Variants in LINGO2 observed in about 807,000 individuals in gnomAD.
The protein encoded by LINGO2 is leucine-rich repeat and immunoglobulin-like domain-containing nogo receptor-interacting protein 2.
A neutral mutation model predicts 30.6 loss-of-function variants in LINGO2; 14 were observed. The ratio of observed to expected loss-of-function variants is 0.46; its 90% CI spans 0.30 to 0.72. The LOEUF is 0.72. Ranked by LOEUF, LINGO2 falls within the 30% of genes least tolerant of loss-of-function variation. LINGO2 has a pLI of 0.07. For synonymous variants in LINGO2, 317 were observed against 288.5 expected, an observed-to-expected ratio of 1.10 and a Z score of -1.00; for missense variants, 729 against 751.7, an observed-to-expected ratio of 0.97 and a Z score of 0.35.
At chr9:29,070,479 G>T in the LINGO2 span, among the ~76,000 whole-genome samples, 1 of 152,184 alleles carries the variant, frequency 6.6e-6, no homozygotes, top group South Asian at 2.1e-4. Context: ...GAAGAGGAGA[G>T]GAAAGAACCT....
chr9:29,074,531 T>C, the LINGO2 span, among the ~76,000 whole-genome samples: 1 of 152,108 alleles, frequency 6.6e-6, no homozygotes, highest in Non-Finnish European at 1.5e-5. Context: ...TCCAGCTAAC[T>C]TCAAGGACAT....
At chr9:28,559,744 T>C (rs1393864876) in intron 1 of LINGO2, among the ~76,000 whole-genome samples, 2 of 152,126 alleles carry the variant, frequency 1.3e-5, no homozygotes, top group Admixed American at 1.3e-4. Flanking sequence ...TTTTTTGTTC[T>C]GTACAAGATT....
At chr9:29,121,609 T>G in the LINGO2 span, among the ~76,000 whole-genome samples, 1 of 152,070 alleles carries the variant, frequency 6.6e-6, no homozygotes, top group South Asian at 2.1e-4. Flanking sequence ...AAGGAAATAG[T>G]AATAGCAAAG....
chr9:28,973,775 TA>T, the LINGO2 span, among the ~76,000 whole-genome samples: 2 of 152,182 alleles, frequency 1.3e-5, no homozygotes, highest in Non-Finnish European at 2.9e-5. Context: ...ACTTTTACCT[TA>T]TAATAGTGTA....
At chr9:28,481,885 G>A (rs1291223640) in intron 1 of LINGO2, among the ~76,000 whole-genome samples, 1 of 150,652 alleles carries the variant, frequency 6.6e-6, no homozygotes, top group Admixed American at 6.7e-5. Flanking sequence ...TTGGTTCTTT[G>A]TTCTTGTGAT....
chr9:28,374,696 T>C (rs1311741699), intron 2 of LINGO2, among the ~76,000 whole-genome samples: 1 of 152,128 alleles, frequency 6.6e-6, no homozygotes, highest in African/African-American at 2.4e-5. Flanking sequence ...CAACTACTGA[T>C]CACCCACCAT....
rs200150497 is a variant in LINGO2, at chr9:28,003,342, TATAGATAGATAGATAGATAG to T, written c.-36+8993_-36+9012del. Among the ~76,000 whole-genome samples, 533 of 141,734 alleles carry T rather than the reference TATAGATAGATAGATAGATAG, an allele frequency of 3.8e-3. 6 individuals are homozygous for T. The highest frequency in any genetic ancestry group is 0.014 in the African/African-American group (516 of 36,306). 93.0% of individuals were successfully genotyped at this position (141,734 alleles called of 152,430 possible). A position where few individuals can be genotyped will look rare whatever the true frequency, so the allele number is the denominator to read the frequency against. On this transcript the variant is annotated intron_variant, in intron 5 of 5. Transcript: ENST00000379992. ...TGTTAACCATATAGATATATAGATATATAGATAGATAGATAGATAGATAGATAGATAGATAGATAGATATA... is the reference window on the plus strand; with the variant it reads ...TGTTAACCATATAGATATATAGATATATAGATAGATAGATAGATAGATATA...
chr9:28,685,977 ATGTGTGTGTGTG>A, the LINGO2 span, among the ~76,000 whole-genome samples: 10 of 145,682 alleles, frequency 6.9e-5, no homozygotes, highest in African/African-American at 1.2e-4. Flanking sequence ...AACATATATG[ATGTGTGTGTGTG>A]TGTGTGTGTG....
intron 3 of LINGO2, among the ~76,000 whole-genome samples, chr9:28,310,975 G>A (rs1478842289): frequency 3.9e-5 from 6 of 152,074 alleles, no homozygotes; most frequent in African/African-American, 7.2e-5. Flanking sequence ...AATATTGGGG[G>A]AAATTCAGCC....
chr9:28,690,581 G>C, the LINGO2 span, among the ~76,000 whole-genome samples: 1 of 151,984 alleles, frequency 6.6e-6, no homozygotes, highest in Non-Finnish European at 1.5e-5. Flanking sequence ...TTCATGAATA[G>C]TTTCTAGAAT....
chr9:28,048,018 CACATTAG>C (rs1256110582), intron 4 of LINGO2, among the ~76,000 whole-genome samples: 1 of 149,994 alleles, frequency 6.7e-6, no homozygotes, highest in African/African-American at 2.5e-5. Context: ...AAAATCTAAT[CACATTAG>C]ACATTAAACT....
the LINGO2 span, among the ~76,000 whole-genome samples, chr9:29,062,293 A>G: frequency 5.3e-5 from 8 of 152,236 alleles, no homozygotes; most frequent in African/African-American, 1.7e-4. Context: ...CCTCAAAAAA[A>G]TTAAAAATAG....
chr9:28,241,948 C>G (rs997595462), intron 4 of LINGO2, among the ~76,000 whole-genome samples: 1 of 151,986 alleles, frequency 6.6e-6, no homozygotes, highest in African/African-American at 2.4e-5. Context: ...AAAGTCCACA[C>G]AAAATCTTCA....
intron 4 of LINGO2, among the ~76,000 whole-genome samples, chr9:28,139,329 T>C (rs1237817661): frequency 6.6e-6 from 1 of 152,246 alleles, no homozygotes; most frequent in Non-Finnish European, 1.5e-5. Flanking sequence ...ATTTATATAG[T>C]ATAGACAAAT....
At chr9:29,198,944 C>G in the LINGO2 span, among the ~76,000 whole-genome samples, 1 of 152,082 alleles carries the variant, frequency 6.6e-6, no homozygotes, top group Non-Finnish European at 1.5e-5. Flanking sequence ...GTAGGGGCCT[C>G]TGAGAAATAC....
At chr9:28,117,747 C>CA (rs1289355666) in intron 4 of LINGO2, among the ~76,000 whole-genome samples, 1 of 147,158 alleles carries the variant, frequency 6.8e-6, no homozygotes, top group Non-Finnish European at 1.5e-5. Context: ...CCAGGTGAGG[C>CA]AATGCCTTGC....
chr9:28,667,412 T>C (rs1324803723), intron 1 of LINGO2, among the ~76,000 whole-genome samples: 2 of 152,048 alleles, frequency 1.3e-5, no homozygotes, highest in Admixed American at 1.3e-4. Flanking sequence ...CTTTTAAATT[T>C]TACTTTCTCC....
chr9:28,264,273 T>G (rs1480579761), intron 4 of LINGO2, among the ~76,000 whole-genome samples: 3 of 151,950 alleles, frequency 2.0e-5, no homozygotes, highest in Non-Finnish European at 2.9e-5. Context: ...ATGGTTTAAA[T>G]GGTAAAACCA....
At chr9:28,710,928 T>C in the LINGO2 span, among the ~76,000 whole-genome samples, 1 of 151,798 alleles carries the variant, frequency 6.6e-6, no homozygotes, top group Non-Finnish European at 1.5e-5. Flanking sequence ...TGAGTGAATA[T>C]GGTAATGGTG....
Sources: allele counts gnomAD v4.1 joint callset (sites outside exome capture counted in the v4.1 genomes callset), GRCh38; gene constraint gnomAD v4.1.1; transcripts MANE v1.5; gene names NCBI Gene and HGNC (gene_info 2026-07-23, HGNC 2026-07-21).